BAIAP2: variants seen among roughly 807,000 people sequenced by gnomAD.
BAIAP2 encodes the protein BAR/IMD domain-containing adapter protein 2.
A neutral mutation model predicts 63.0 loss-of-function variants in BAIAP2; 18 were observed. That is an observed-to-expected ratio of 0.29 (90% confidence interval 0.20 to 0.42). The LOEUF (loss-of-function observed/expected upper bound fraction) is 0.42, where lower values mean the gene tolerates loss of function less well. Among genes scored for constraint, BAIAP2 ranks in the 10% least tolerant of loss-of-function variants. The pLI, the probability that BAIAP2 is intolerant of heterozygous loss-of-function variation, is 1.00. For missense variants in BAIAP2, 610 were observed against 734.3 expected, an observed-to-expected ratio of 0.83 and a Z score of 1.96; for synonymous variants, 386 against 307.6, an observed-to-expected ratio of 1.25 and a Z score of -2.67.
At chr17:81,080,190 C>T (rs765426101) in intron 3 of BAIAP2, among the ~76,000 whole-genome samples, 7 of 152,204 alleles carry the variant, frequency 4.6e-5, no homozygotes, top group Non-Finnish European at 1.0e-4. Context: ...GCTGGCACCT[C>T]GGGGGTTAAG....
chr17:81,036,003 C>G (rs980391162), intron 1 of BAIAP2: 6 of 152,240 alleles, frequency 3.9e-5, no homozygotes, highest in African/African-American at 1.4e-4. Context: ...ACGTGCCTGC[C>G]TTTGCTTCAG....
chr17:81,086,960 CTT>C (rs1307042059), intron 6 of BAIAP2: 6 of 194,946 alleles, frequency 3.1e-5, no homozygotes, highest in Admixed American at 1.6e-4. Flanking sequence ...GAAGGTGGTA[CTT>C]CAGGTTCCTC....
chr17:81,092,876 C>T (rs775359970), intron 6 of BAIAP2, among the ~76,000 whole-genome samples: 4 of 152,138 alleles, frequency 2.6e-5, no homozygotes, highest in East Asian at 1.9e-4. Context: ...TCAGTGTGTC[C>T]GCGGGGCGTG....
chr17:81,065,487 G>A (rs1384841552), intron 3 of BAIAP2, among the ~76,000 whole-genome samples: 2 of 152,214 alleles, frequency 1.3e-5, no homozygotes, highest in East Asian at 1.9e-4. Context: ...CCGCTGGGCC[G>A]TGTGGGTGCC....
At chr17:81,073,405 T>G (rs2053055531) in intron 3 of BAIAP2, among the ~76,000 whole-genome samples, 1 of 152,196 alleles carries the variant, frequency 6.6e-6, no homozygotes, top group African/African-American at 2.4e-5. Flanking sequence ...GCCGCCAGCC[T>G]TCTTCCTGGG....
intron 3 of BAIAP2, among the ~76,000 whole-genome samples, chr17:81,082,399 G>A (rs1242569028): frequency 6.6e-6 from 1 of 152,136 alleles, no homozygotes; most frequent in Non-Finnish European, 1.5e-5. Context: ...CCAGGCCCAG[G>A]CATGTCATCT....
chr17:81,113,894 C>T (rs1447000078), intron 13 of BAIAP2, among the ~76,000 whole-genome samples: 1 of 152,020 alleles, frequency 6.6e-6, no homozygotes, highest in Non-Finnish European at 1.5e-5. Flanking sequence ...GAGTGAGAAC[C>T]ACGCGGCTGC....
Position 81,109,185 on chromosome 17 carries a change from G to A in BAIAP2, c.1535+676G>A, listed in dbSNP as rs181969354. 267 of 1,405,984 alleles carry A rather than the reference G, an allele frequency of 1.9e-4. 4 individuals are homozygous for A. The Admixed American group carries it at 8.0e-3, about 42-fold the overall frequency. 87.1% of individuals were successfully genotyped at this position (1,405,984 alleles called of 1,614,324 possible). ...CAGGGTCCATGGTGCTGCTCCATCC[G>A]CCCCCCCTCCCCTGTGTTTACGCGC... is the stretch of plus-strand genomic sequence containing the variant. On this transcript the variant is annotated intron_variant, in intron 13 of 13. Transcript: ENST00000428708.
intron 3 of BAIAP2, among the ~76,000 whole-genome samples, chr17:81,066,193 C>T (rs1434536024): frequency 6.6e-6 from 1 of 152,220 alleles, no homozygotes; most frequent in Non-Finnish European, 1.5e-5. Context: ...GTGCCCACAG[C>T]ATGCTTGTTT....
chr17:81,097,417 T>C (rs979856187), intron 6 of BAIAP2, among the ~76,000 whole-genome samples: 3 of 152,198 alleles, frequency 2.0e-5, no homozygotes, highest in African/African-American at 7.2e-5. Context: ...CTCACCCCTG[T>C]AGTGGAGGCT....
At chr17:81,072,477 A>T (rs1363517055) in intron 3 of BAIAP2, among the ~76,000 whole-genome samples, 1 of 152,162 alleles carries the variant, frequency 6.6e-6, no homozygotes, top group Admixed American at 6.5e-5. Context: ...CCTTGGTGCC[A>T]AGAGCAGACG....
intron 1 of BAIAP2, among the ~76,000 whole-genome samples, chr17:81,038,250 G>A (rs915899836): frequency 6.6e-6 from 1 of 152,264 alleles, no homozygotes; most frequent in African/African-American, 2.4e-5. Context: ...GAAGCCCCGT[G>A]CATCCCTGTG....
chr17:81,043,382 G>T (rs188885247), intron 1 of BAIAP2, among the ~76,000 whole-genome samples: 65 of 152,350 alleles, frequency 4.3e-4, no homozygotes, highest in African/African-American at 1.5e-3. Context: ...GCCTCCACCT[G>T]TCCTGCTCCT....
intron 3 of BAIAP2, among the ~76,000 whole-genome samples, chr17:81,075,470 TC>T (rs2053503611): frequency 6.7e-6 from 1 of 149,980 alleles, no homozygotes; most frequent in Non-Finnish European, 1.5e-5. Flanking sequence ...TGGGCTCCCT[TC>T]CTGTGGGCCG....
At chr17:81,047,370 G>A (rs576422682) in intron 1 of BAIAP2, among the ~76,000 whole-genome samples, 3 of 152,306 alleles carry the variant, frequency 2.0e-5, no homozygotes, top group South Asian at 4.1e-4. Context: ...TGAGGATTAG[G>A]GTGATGAGGG....
At chr17:81,076,912 AG>A (rs2053755857) in intron 3 of BAIAP2, among the ~76,000 whole-genome samples, 1 of 152,156 alleles carries the variant, frequency 6.6e-6, no homozygotes. Flanking sequence ...TGGAGGCAGC[AG>A]TGAGCCATGA....
At chr17:81,078,950 TG>T (rs1021310401) in intron 3 of BAIAP2, among the ~76,000 whole-genome samples, 3 of 151,948 alleles carry the variant, frequency 2.0e-5, no homozygotes, top group African/African-American at 7.3e-5. Context: ...CCATGCTGGT[TG>T]GGGTAAGACC....
At chr17:81,051,656 C>T (rs535557849) in intron 1 of BAIAP2, among the ~76,000 whole-genome samples, 4 of 152,202 alleles carry the variant, frequency 2.6e-5, no homozygotes, top group Non-Finnish European at 4.4e-5. Flanking sequence ...CCTCCCAAAG[C>T]GTTGGGATTA....
In BAIAP2 at chr17:81,071,818, G is replaced by A. The variant is rs573963457; in HGVS notation, c.218-13014G>A. 3.3e-5 allele frequency among the ~76,000 whole-genome samples: 5 copies of A among 152,362 alleles called. No individual in the cohort carries two copies. The South Asian group carries it at 6.2e-4, about 19-fold the overall frequency. ...TCCGAGCTCTGTCCAGGAGGCAGCC[G>A]AGAATTGGAGCAGTTCCCACGCCAA... On this transcript the variant is annotated intron_variant, in intron 3 of 13. Coordinates refer to ENST00000428708, the MANE Select transcript of BAIAP2 (RefSeq NM_001144888.2).
Sources: gnomAD v4.1 joint callset for allele counts (sites outside exome capture counted in the v4.1 genomes callset) on GRCh38, gnomAD v4.1.1 for gene constraint, MANE v1.5 for transcripts, NCBI Gene and HGNC (gene_info 2026-07-23, HGNC 2026-07-21) for gene names.